Variants in GALNT14 observed in about 807,000 individuals in gnomAD.
The protein encoded by GALNT14 is polypeptide N-acetylgalactosaminyltransferase 14, also known as UDP-GalNAc:polypeptide N-acetylgalactosaminyltransferase 14.
In GALNT14, 60 loss-of-function variants were observed where a neutral mutation model predicts 77.5. The observed-to-expected ratio is 0.77, with a 90% CI of 0.63 to 0.96. The LOEUF is 0.96. Among genes scored for constraint, GALNT14 ranks in the 40% least tolerant of loss-of-function variants. The probability of loss-of-function intolerance (pLI) is 0.00; values close to 1 mark genes in which losing one functional copy is unlikely to be tolerated. For missense variants in GALNT14, 710 were observed against 731.0 expected, an observed-to-expected ratio of 0.97 and a Z score of 0.33; for synonymous variants, 280 against 281.7, an observed-to-expected ratio of 0.99 and a Z score of 0.06.
chr2:31,062,713 T>G (rs1156645932), intron 1 of GALNT14, among the ~76,000 whole-genome samples: 3 of 150,644 alleles, frequency 2.0e-5, no homozygotes, highest in Non-Finnish European at 4.4e-5. Context: ...CCACATCCTC[T>G]CCAGTATCTG....
intron 6 of GALNT14, among the ~76,000 whole-genome samples, chr2:30,947,225 T>C (rs1666750754): frequency 6.6e-6 from 1 of 152,196 alleles, no homozygotes; most frequent in Non-Finnish European, 1.5e-5. Context: ...GTTGTCTTTC[T>C]GATTTGCAAA....
At chr2:30,891,192 C>T in the GALNT14 span, among the ~76,000 whole-genome samples, 2 of 152,162 alleles carry the variant, frequency 1.3e-5, no homozygotes, top group Non-Finnish European at 2.9e-5. Context: ...ATTAGTAGGT[C>T]ACCAGAATCA....
chr2:30,986,053 C>G (rs78639132), intron 2 of GALNT14, among the ~76,000 whole-genome samples: 2,708 of 152,264 alleles, frequency 0.018, 35 homozygotes, highest in East Asian at 0.045. Context: ...TGGGCCACTG[C>G]CCCTTCATTT....
At chr2:30,897,187 G>A in the GALNT14 span, among the ~76,000 whole-genome samples, 1 of 152,114 alleles carries the variant, frequency 6.6e-6, no homozygotes, top group Non-Finnish European at 1.5e-5. Context: ...GAAAAGGCCT[G>A]CCCTTTCTTG....
chr2:31,109,815 G>A (rs546192412), intron 1 of GALNT14, among the ~76,000 whole-genome samples: 91 of 152,286 alleles, frequency 6.0e-4, no homozygotes, highest in Middle Eastern at 3.4e-3. Flanking sequence ...TACTTAGCGC[G>A]CCAGGACAAG....
chr2:31,132,863 C>A (rs1285086739), intron 1 of GALNT14, among the ~76,000 whole-genome samples: 1 of 152,142 alleles, frequency 6.6e-6, no homozygotes, highest in Non-Finnish European at 1.5e-5. Flanking sequence ...TTCTAAACCT[C>A]CCCAGTTGCT....
intron 1 of GALNT14, among the ~76,000 whole-genome samples, chr2:31,036,508 CTGTCT>C (rs1239983391): frequency 1.3e-5 from 2 of 152,202 alleles, no homozygotes; most frequent in South Asian, 4.1e-4. Context: ...CTTTATGTGG[CTGTCT>C]TTTAAGTTAG....
intron 3 of GALNT14, among the ~76,000 whole-genome samples, chr2:30,964,835 C>G (rs1218194013): frequency 6.6e-6 from 1 of 152,204 alleles, no homozygotes; most frequent in Non-Finnish European, 1.5e-5. Context: ...GGTGACCCTA[C>G]TGCAGGACTT....
intron 1 of GALNT14, among the ~76,000 whole-genome samples, chr2:31,069,275 T>C (rs899612200): frequency 6.6e-6 from 1 of 152,176 alleles, no homozygotes; most frequent in Admixed American, 6.5e-5. Context: ...AACATTCTAG[T>C]TATTTACCAC....
downstream of GALNT14, among the ~76,000 whole-genome samples, chr2:30,905,896 G>A (rs893012912): frequency 1.3e-5 from 2 of 152,056 alleles, no homozygotes; most frequent in Non-Finnish European, 2.9e-5. Context: ...AAGAGAGTCA[G>A]GGCCAATATT....
chr2:30,903,839 T>C, the GALNT14 span, among the ~76,000 whole-genome samples: 1 of 152,240 alleles, frequency 6.6e-6, no homozygotes, highest in East Asian at 1.9e-4. Flanking sequence ...GAAACTCACC[T>C]GGGCAGAGAA....
chr2:31,097,486 G>T (rs1292582546), intron 1 of GALNT14, among the ~76,000 whole-genome samples: 1 of 149,636 alleles, frequency 6.7e-6, no homozygotes, highest in African/African-American at 2.5e-5. Flanking sequence ...GGCAGACAAG[G>T]CCCCTGCAGT....
In GALNT14 at chr2:30,930,986, C is replaced by G. The variant is rs1048743301; in HGVS notation, c.1058+1082G>C. On this transcript the variant is annotated intron_variant, in intron 10 of 14. Coordinates refer to ENST00000349752, the MANE Select transcript of GALNT14 (RefSeq NM_024572.4). ...TGCCCCTCATTTCCAGGCCGGCCCC[C>G]CTCCAGGCGGCCACATGGCTCCTGC... 3.9e-5 allele frequency among the ~76,000 whole-genome samples: 6 copies of G among 152,258 alleles called. No individual in the cohort carries two copies. In the South Asian group the frequency reaches 6.2e-4, roughly 16 times the overall value.
chr2:30,945,969 T>A, intron 6 of GALNT14, 99 bp from the exon 7 acceptor site: 3 of 926,398 alleles, frequency 3.2e-6, no homozygotes, highest in Non-Finnish European at 5.2e-6. Context: ...AGAGATGAGT[T>A]TTGTGGCCTT....
intron 10 of GALNT14, among the ~76,000 whole-genome samples, chr2:30,931,243 C>T (rs1332673999): frequency 2.0e-5 from 3 of 152,062 alleles, no homozygotes; most frequent in Non-Finnish European, 2.9e-5. Flanking sequence ...GATGTGATGA[C>T]ACAGCTCCCC....
In GALNT14 at chr2:30,966,186, C is replaced by T; in HGVS notation, c.398+18G>A. Reference sequence around the variant, plus strand: ...TGCTGGCCCAGAGCTGGCCAACAGACAAGCAAGGATGCCTCACCTGCGGAT... The same window carrying T: ...TGCTGGCCCAGAGCTGGCCAACAGATAAGCAAGGATGCCTCACCTGCGGAT... On this transcript the variant is annotated intron_variant, in intron 3 of 14. Transcript: ENST00000349752. 2 of 1,609,860 alleles carry T rather than the reference C, an allele frequency of 1.2e-6. No homozygotes were observed. Among genetic ancestry groups the T allele is most frequent in the Non-Finnish European group, 1.7e-6 (2 of 1,176,390 alleles).
At position 31,098,018 on chromosome 2, in the gene GALNT14, A is replaced by G. The variant is rs147499438; in HGVS notation, c.129+39940T>C. ...GTGCCCTATGCTCTACTTGATCAGA[A>G]CTTCTCAAATTTACATTATAATTGG... On this transcript the variant is annotated intron_variant, in intron 1 of 14. Transcript: ENST00000349752. 9.4e-4 allele frequency among the ~76,000 whole-genome samples: 143 copies of G among 152,274 alleles called. 3 individuals are homozygous for G. Among genetic ancestry groups the G allele is most frequent in the Non-Finnish European group, 7.5e-4 (51 of 68,014 alleles).
chr2:30,905,174 G>A, the GALNT14 span, among the ~76,000 whole-genome samples: 103 of 152,178 alleles, frequency 6.8e-4, no homozygotes, highest in African/African-American at 2.4e-3. Flanking sequence ...CCAAAGGAAC[G>A]CAGTTCCTCA....
At chr2:31,066,774 C>T (rs1190215017) in intron 1 of GALNT14, among the ~76,000 whole-genome samples, 1 of 151,812 alleles carries the variant, frequency 6.6e-6, no homozygotes, top group African/African-American at 2.4e-5. Flanking sequence ...CCCACCAAGG[C>T]CAGCCTGCTC....
Sources: allele counts gnomAD v4.1 joint callset (sites outside exome capture counted in the v4.1 genomes callset), GRCh38; gene constraint gnomAD v4.1.1; transcripts MANE v1.5; gene names NCBI Gene and HGNC (gene_info 2026-07-23, HGNC 2026-07-21).